PRPF3: variants seen among roughly 807,000 people sequenced by gnomAD.
The protein encoded by PRPF3 is pre-mRNA processing factor 3.
A neutral mutation model predicts 89.2 loss-of-function variants in PRPF3; 3 were observed. The observed-to-expected ratio is 0.03, with a 90% CI of 0.02 to 0.09. The LOEUF (loss-of-function observed/expected upper bound fraction) is 0.09. Among genes scored for constraint, PRPF3 ranks in the 10% least tolerant of loss-of-function variants. The pLI is 1.00. For missense variants in PRPF3, 463 were observed against 828.8 expected (o/e 0.56, Z 5.42); for synonymous variants, 270 against 289.1 (o/e 0.93, Z 0.67).
chr1:150,329,186 C>T (rs937586060), intron 4 of PRPF3, among the ~76,000 whole-genome samples: 3 of 151,760 alleles, frequency 2.0e-5, no homozygotes, highest in East Asian at 1.9e-4. Context: ...AACACCACTA[C>T]GCCTGGCTAA....
At chr1:150,325,203 T>C (rs1655570485) in intron 2 of PRPF3, 116 bp downstream of exon 2, 1 of 1,215,136 alleles carries the variant, frequency 8.2e-7, no homozygotes, top group South Asian at 1.4e-5. Context: ...GGCCATATTT[T>C]ATTTTCACCT....
chr1:150,325,932 C>CG, intron 3 of PRPF3, 51 bp downstream of exon 3: 1 of 1,600,294 alleles, frequency 6.2e-7, no homozygotes, highest in South Asian at 1.1e-5. Context: ...TGAATGGTAA[C>CG]AGAGTTGCTG....
intron 14 of PRPF3, among the ~76,000 whole-genome samples, chr1:150,348,459 C>CCTTTTTTTTTTT (rs1553873583): frequency 2.9e-5 from 1 of 34,826 alleles, no homozygotes; most frequent in Admixed American, 4.7e-4. Flanking sequence ...TCTACACGTG[C>CCTTTTTTTTTTT]ATTTTTTTTT....
chr1:150,345,661 A>T, intron 12 of PRPF3: 1 of 327,314 alleles, frequency 3.1e-6, no homozygotes, highest in Non-Finnish European at 5.9e-6. Flanking sequence ...GTAATCCTAT[A>T]TTATAAGAGT....
At chr1:150,324,862 T>C in intron 1 of PRPF3, 33 bp from the exon 2 acceptor site, 1 of 1,533,938 alleles carries the variant, frequency 6.5e-7, no homozygotes, top group East Asian at 2.3e-5. Flanking sequence ...TAGTCTTTTC[T>C]TATTCTCTAA....
chr1:150,348,920 G>A (rs1168040850), intron 14 of PRPF3: 2 of 525,702 alleles, frequency 3.8e-6, no homozygotes, highest in Admixed American at 6.4e-5. Flanking sequence ...CCCAGTACCT[G>A]GTGGAGCTCT....
intron 14 of PRPF3, 80 bp from the exon 15 acceptor site, chr1:150,349,077 G>A: frequency 8.8e-7 from 1 of 1,140,794 alleles, no homozygotes. Context: ...TAATATTTTA[G>A]AGAGTTTGGG....
At chr1:150,332,548 G>A in intron 4 of PRPF3, 136 bp from the exon 5 acceptor site, 1 of 844,918 alleles carries the variant, frequency 1.2e-6, no homozygotes, top group Non-Finnish European at 2.0e-6. Context: ...TTGCACTGTG[G>A]TGCAGGCAGA....
intron 11 of PRPF3, 38 bp downstream of exon 11, chr1:150,344,299 T>G (rs1235476535): frequency 3.7e-6 from 6 of 1,613,352 alleles, no homozygotes; most frequent in African/African-American, 2.7e-5. Context: ...CTCGGGCAAG[T>G]ACCTTTCCCA....
chr1:150,328,340 T>C lies in PRPF3; in HGVS notation c.297T>C (p.Ser99=). ...CTTAGGAGGTGTTTGGTGATGACTC[T>C]GAGATCTCTAAAGAATCATCAGGAG... ...RELKEVFGDD[S]EISKESSGVK... Residue 99 remains serine (S), a synonymous_variant, in exon 4 of 16, where the codon TCT becomes TCC. Coordinates refer to ENST00000324862, the MANE Select transcript of PRPF3 (RefSeq NM_004698.4). The C allele has an allele frequency of 6.2e-7, 1 of 1,613,986 alleles. No homozygotes were observed. The highest frequency in any genetic ancestry group is 2.2e-5 in the East Asian group (1 of 44,870).
chr1:150,344,032 T>G (rs1429533141), intron 10 of PRPF3, 130 bp from the exon 11 acceptor site: 6 of 790,326 alleles, frequency 7.6e-6, no homozygotes, highest in Non-Finnish European at 1.3e-5. Context: ...ATAGGAGTTA[T>G]TGGAGGAAGT....
intron 3 of PRPF3, 181 bp from the exon 4 acceptor site, chr1:150,328,139 G>A (rs1655921797): frequency 1.6e-6 from 1 of 630,578 alleles, no homozygotes. Flanking sequence ...TGGATTAGGA[G>A]AATGTTGAAG....
chr1:150,346,067 G>T lies in PRPF3; in HGVS notation c.1690G>T (p.Ala564Ser). 1 of 1,614,210 alleles carries T rather than the reference G, an allele frequency of 6.2e-7. No homozygotes were observed. Among genetic ancestry groups the T allele is most frequent in the Non-Finnish European group, 8.5e-7 (1 of 1,180,050 alleles). The change falls in exon 13 of 16, where the codon GCT becomes TCT. Residue 564 changes from alanine (A) to serine (S), a missense_variant. By Grantham distance (99) the Ala-to-Ser change is moderately conservative (BLOSUM62 1). Around this residue, in one of 8 missense-constraint regions of PRPF3, gnomAD observed 261 missense variants for 475.8 expected, o/e 0.55. Transcript: ENST00000324862. Reference sequence around the variant, plus strand: ...CAAGAAGTTCAAGATTGAAGCCAATGCTGGGCAACTGTACCTGACAGGGGT... The same window carrying T: ...CAAGAAGTTCAAGATTGAAGCCAATTCTGGGCAACTGTACCTGACAGGGGT... ...PAKKFKIEAN[A>S]GQLYLTGVVV...
intron 7 of PRPF3, among the ~76,000 whole-genome samples, chr1:150,335,611 A>T (rs1041657900): frequency 1.3e-5 from 2 of 151,998 alleles, no homozygotes; most frequent in African/African-American, 4.8e-5. Flanking sequence ...GATCACAGGC[A>T]TGTGCCACCA....
At chr1:150,332,904 T>C in intron 5 of PRPF3, 75 bp from the exon 6 acceptor site, 1 of 1,493,656 alleles carries the variant, frequency 6.7e-7, no homozygotes, top group Non-Finnish European at 9.3e-7. Context: ...ATGATGTGTG[T>C]GTATATCTGT....
At chr1:150,322,398 T>G (rs1655148873) in intron 1 of PRPF3, among the ~76,000 whole-genome samples, 1 of 152,236 alleles carries the variant, frequency 6.6e-6, no homozygotes, top group African/African-American at 2.4e-5. Context: ...AAAGAATTAC[T>G]TAACTTGCCC....
chr1:150,330,223 A>AT (rs1460461106), intron 4 of PRPF3: 3 of 149,796 alleles, frequency 2.0e-5, no homozygotes, highest in Non-Finnish European at 4.4e-5. Flanking sequence ...TGATTTTTGT[A>AT]TTTTTTTTAA....
intron 5 of PRPF3, 40 bp downstream of exon 5, chr1:150,332,807 C>T (rs1423840334): frequency 1.2e-6 from 2 of 1,602,134 alleles, no homozygotes; most frequent in Non-Finnish European, 1.7e-6. Context: ...TAATCTTTGG[C>T]ACAGAATTTC....
Position 150,346,156 on chromosome 1 carries a change from G to C in PRPF3, c.1759+20G>C, listed in dbSNP as rs1658250359. On this transcript the variant is annotated intron_variant, in intron 13 of 15. Coordinates refer to ENST00000324862, the MANE Select transcript of PRPF3 (RefSeq NM_004698.4). ...AAGGGGGTGAGTCTGAAAAACTTGA[G>C]GGAGACTGTCCCCAGACAACCCTAG... 1.4e-5 allele frequency: 23 copies of C among 1,595,032 alleles called. No individual in the cohort carries two copies. Among genetic ancestry groups the C allele is most frequent in the East Asian group, 2.2e-5 (1 of 44,778 alleles).
Sources: allele counts gnomAD v4.1 joint callset (sites outside exome capture counted in the v4.1 genomes callset), GRCh38; gene constraint gnomAD v4.1.1; regional missense constraint gnomAD v4.1.1; transcripts MANE v1.5; gene names NCBI Gene and HGNC (gene_info 2026-07-23, HGNC 2026-07-21).